Variants in KCNQ5 observed in about 807,000 individuals in gnomAD.
KCNQ5 encodes potassium voltage-gated channel subfamily Q member 5.
In KCNQ5, 30 loss-of-function variants were observed where a neutral mutation model predicts 98.2. The observed-to-expected ratio is 0.31, with a 90% CI of 0.23 to 0.41. The LOEUF is 0.41. KCNQ5 is among the 10% of genes least tolerant of loss of function. The pLI is 1.00. For missense variants in KCNQ5, 835 were observed against 1,182.5 expected, an observed-to-expected ratio of 0.71 and a Z score of 4.31; for synonymous variants, 458 against 449.4, an observed-to-expected ratio of 1.02 and a Z score of -0.24.
chr6:72,757,321 A>T (rs1772020474), intron 1 of KCNQ5, among the ~76,000 whole-genome samples: 1 of 152,194 alleles, frequency 6.6e-6, no homozygotes, highest in Non-Finnish European at 1.5e-5. Context: ...TTGCCTAATC[A>T]GTGTATATCT....
intron 1 of KCNQ5, among the ~76,000 whole-genome samples, chr6:72,949,575 G>A (rs1444924972): frequency 2.6e-5 from 4 of 152,134 alleles, no homozygotes; most frequent in Non-Finnish European, 5.9e-5. Flanking sequence ...TTTTAACTAC[G>A]TGAGTATAGC....
chr6:72,780,272 A>G (rs1309203476), intron 1 of KCNQ5, among the ~76,000 whole-genome samples: 2 of 152,166 alleles, frequency 1.3e-5, no homozygotes, highest in Non-Finnish European at 2.9e-5. Flanking sequence ...GTTATTTTCC[A>G]TATGTTATAC....
intron 1 of KCNQ5, among the ~76,000 whole-genome samples, chr6:72,726,693 A>G (rs1770298261): frequency 6.6e-6 from 1 of 152,210 alleles, no homozygotes; most frequent in Non-Finnish European, 1.5e-5. Context: ...CAGATTATGA[A>G]TGTTGTTGAA....
intron 1 of KCNQ5, among the ~76,000 whole-genome samples, chr6:72,927,364 T>C (rs1157975763): frequency 6.6e-6 from 1 of 152,136 alleles, no homozygotes; most frequent in Non-Finnish European, 1.5e-5. Context: ...TTTGGAAAAC[T>C]GTTTGATTTG....
chr6:72,707,128 A>G (rs1466561261), intron 1 of KCNQ5, among the ~76,000 whole-genome samples: 2 of 152,244 alleles, frequency 1.3e-5, no homozygotes, highest in African/African-American at 4.8e-5. Context: ...TAGCTACTTC[A>G]TAAATGCTTT....
intron 1 of KCNQ5, among the ~76,000 whole-genome samples, chr6:72,789,836 T>A (rs1773940484): frequency 1.3e-5 from 2 of 152,244 alleles, no homozygotes; most frequent in South Asian, 4.1e-4. Context: ...ACCCTATATT[T>A]GTAAAATATA....
chr6:72,708,812 A>G (rs1266103120), intron 1 of KCNQ5, among the ~76,000 whole-genome samples: 4 of 149,836 alleles, frequency 2.7e-5, no homozygotes, highest in African/African-American at 5.1e-5. Context: ...CACTGCACCC[A>G]GCCCACAAAT....
At chr6:72,781,540 C>G (rs1773475017) in intron 1 of KCNQ5, among the ~76,000 whole-genome samples, 2 of 152,084 alleles carry the variant, frequency 1.3e-5, no homozygotes, top group South Asian at 2.1e-4. Context: ...GGCCTGCCAT[C>G]TTTGTCTTTA....
chr6:73,101,551 G>A (rs1774774583), intron 5 of KCNQ5, among the ~76,000 whole-genome samples: 1 of 152,146 alleles, frequency 6.6e-6, no homozygotes, highest in African/African-American at 2.4e-5. Flanking sequence ...AACAAATTCA[G>A]TCAAGTTGCA....
intron 10 of KCNQ5, among the ~76,000 whole-genome samples, chr6:73,156,695 T>A (rs1368915122): frequency 6.6e-6 from 1 of 152,170 alleles, no homozygotes; most frequent in Non-Finnish European, 1.5e-5. Context: ...AAGTAACATA[T>A]CACAATAATG....
At chr6:72,751,250 T>C (rs908728363) in intron 1 of KCNQ5, among the ~76,000 whole-genome samples, 2 of 151,596 alleles carry the variant, frequency 1.3e-5, no homozygotes, top group Admixed American at 1.3e-4. Context: ...AGCCAAGGCA[T>C]GGACTCAAGA....
intron 1 of KCNQ5, among the ~76,000 whole-genome samples, chr6:72,918,782 T>C (rs1780272439): frequency 6.6e-6 from 1 of 152,128 alleles, no homozygotes. Context: ...ACTTCTATGA[T>C]ACTATAATAT....
At chr6:73,105,033 C>T (rs2051024) in intron 5 of KCNQ5, among the ~76,000 whole-genome samples, 9,335 of 152,240 alleles carry the variant, frequency 0.061, 670 homozygotes, top group Admixed American at 0.15. Context: ...TTAGAAAAGA[C>T]GGAAAACTGT....
intron 1 of KCNQ5, among the ~76,000 whole-genome samples, chr6:72,651,435 A>G (rs976494300): frequency 6.6e-6 from 1 of 152,126 alleles, no homozygotes; most frequent in Non-Finnish European, 1.5e-5. Context: ...GTAGAATTGT[A>G]AAAATATTTT....
chr6:73,123,425 G>C (rs888033467), intron 8 of KCNQ5, among the ~76,000 whole-genome samples: 1 of 152,068 alleles, frequency 6.6e-6, no homozygotes, highest in Non-Finnish European at 1.5e-5. Flanking sequence ...GGGATGCTTT[G>C]ATTCCACTAA....
intron 1 of KCNQ5, chr6:72,987,315 G>C: frequency 2.8e-6 from 2 of 703,248 alleles, no homozygotes; most frequent in South Asian, 1.4e-5. Flanking sequence ...AGGCAACATG[G>C]ACGAGGCGCA....
In KCNQ5 at chr6:72,693,985, A is replaced by G. The variant is rs1768349410; in HGVS notation, c.398+71398A>G. ...CACTGAATTTTGGAGAACACTGATT[A>G]ACTTAAAGTTTTAGATTTAATTTTT... On this transcript the variant is annotated intron_variant, in intron 1 of 13. Coordinates refer to ENST00000370398, the MANE Select transcript of KCNQ5 (RefSeq NM_019842.4). Among the ~76,000 whole-genome samples the G allele has an allele frequency of 3.9e-5, 6 of 152,266 alleles. No homozygotes were observed. The South Asian group carries it at 1.2e-3, about 32-fold the overall frequency.
intron 1 of KCNQ5, among the ~76,000 whole-genome samples, chr6:72,663,951 A>C (rs1766654828): frequency 6.6e-6 from 1 of 152,200 alleles, no homozygotes; most frequent in Admixed American, 6.5e-5. Context: ...TTGTTTGGAA[A>C]TACTTCTCTG....
At chr6:73,162,498 A>G (rs1338718499) in intron 10 of KCNQ5, among the ~76,000 whole-genome samples, 1 of 152,122 alleles carries the variant, frequency 6.6e-6, no homozygotes, top group East Asian at 1.9e-4. Context: ...AGGTGCTCAC[A>G]TGAGTTCACG....
Sources: gnomAD v4.1 joint callset for allele counts (sites outside exome capture counted in the v4.1 genomes callset) on GRCh38, gnomAD v4.1.1 for gene constraint, MANE v1.5 for transcripts, NCBI Gene and HGNC (gene_info 2026-07-23, HGNC 2026-07-21) for gene names.